Variants in IQSEC1 observed in about 807,000 individuals in gnomAD.
The protein encoded by IQSEC1 is IQ motif and Sec7 domain ArfGEF 1.
Under a neutral mutation model 91.0 loss-of-function variants are expected in IQSEC1, and 31 were observed. The ratio of observed to expected loss-of-function variants is 0.34; its 90% confidence interval spans 0.26 to 0.46. The LOEUF (loss-of-function observed/expected upper bound fraction) is 0.46, where lower values mean the gene tolerates loss of function less well. IQSEC1 is among the 20% of genes least tolerant of loss of function. IQSEC1 has a pLI of 1.00. For synonymous variants in IQSEC1, 699 were observed against 662.6 expected (o/e 1.05, Z -0.84); for missense variants, 1,388 against 1,575.6 (o/e 0.88, Z 2.02).
Position 12,902,816 on chromosome 3 carries a change from C to T in IQSEC1, c.2762G>A (p.Arg921Gln), listed in dbSNP as rs1415351354. ...SLRDLSEAGKRGRRSSAGSLE... is the reference protein window; with the variant it reads ...SLRDLSEAGKQGRRSSAGSLE... ...CGATCCCGCACTGCTGCGACGCCCT[C>T]GCTTCCCTGCCCAGAACATGCAATA... The change falls in exon 13 of 14, where the codon CGA (arginine) becomes CAA (glutamine). Residue 921 changes from arginine to glutamine, a missense_variant. Arg to Gln is a conservative substitution (Grantham distance 43). This residue lies in a region of IQSEC1 where 1,059 missense variants were observed against 1,317.8 expected (regional missense o/e 0.80). Coordinates refer to ENST00000613206, the MANE Select transcript of IQSEC1 (RefSeq NM_001134382.3). 10 of 1,613,198 alleles carry T rather than the reference C, an allele frequency of 6.2e-6. No individual in the cohort carries two copies. The highest frequency in any genetic ancestry group is 7.6e-6 in the Non-Finnish European group (9 of 1,179,204).
intron 1 of IQSEC1, among the ~76,000 whole-genome samples, chr3:12,971,754 T>C (rs942729625): frequency 6.6e-6 from 1 of 152,086 alleles, no homozygotes; most frequent in Admixed American, 6.5e-5. Context: ...TTTAAACAAG[T>C]GTTTGTTACT....
At chr3:13,257,672 A>G (rs1695315456) in intron 1 of IQSEC1, among the ~76,000 whole-genome samples, 1 of 152,214 alleles carries the variant, frequency 6.6e-6, no homozygotes, top group Admixed American at 6.5e-5. Flanking sequence ...CAGCCTGTGA[A>G]ATCCTCTGAA....
At chr3:13,066,466 A>G (rs945024605) in intron 1 of IQSEC1, among the ~76,000 whole-genome samples, 2 of 152,108 alleles carry the variant, frequency 1.3e-5, no homozygotes, top group African/African-American at 4.8e-5. Flanking sequence ...TGCCTGGGGG[A>G]GTCAGGAAAG....
In IQSEC1 at chr3:13,069,695, C is replaced by T. The variant is rs565448401; in HGVS notation, c.23+3297G>A. Among the ~76,000 whole-genome samples, 3 of 152,360 alleles carry T rather than the reference C, an allele frequency of 2.0e-5. No homozygotes were observed. The South Asian group carries it at 6.2e-4, about 32-fold the overall frequency. On this transcript the variant is annotated intron_variant, in intron 1 of 13. Transcript: ENST00000613206. ...CACATCTCACACACCACAAACTCCT[C>T]ACAGCCTCACTTCCTGTGTTCAAGT...
intron 3 of IQSEC1, among the ~76,000 whole-genome samples, chr3:12,926,623 C>T (rs1697162166): frequency 6.6e-6 from 1 of 152,230 alleles, no homozygotes; most frequent in South Asian, 2.1e-4. Context: ...TCGGCCAGGT[C>T]ATCCACTAAT....
At chr3:13,276,080 C>CTTTTTTTTTTT (rs796663192) in intron 1 of IQSEC1, among the ~76,000 whole-genome samples, 2 of 79,524 alleles carry the variant, frequency 2.5e-5, no homozygotes, top group African/African-American at 4.1e-5. Context: ...CAAAAGCATT[C>CTTTTTTTTTTT]TTTTTTTTTT....
At chr3:12,947,853 A>T (rs982344312) in intron 1 of IQSEC1, among the ~76,000 whole-genome samples, 1 of 152,216 alleles carries the variant, frequency 6.6e-6, no homozygotes, top group African/African-American at 2.4e-5. Context: ...TTTTCCAAAC[A>T]TGTTTTCCTG....
At chr3:13,160,506 C>T (rs941455369) in intron 2 of IQSEC1, among the ~76,000 whole-genome samples, 12 of 152,202 alleles carry the variant, frequency 7.9e-5, no homozygotes, top group Non-Finnish European at 1.2e-4. Flanking sequence ...CTCTCAAGGT[C>T]AGTCATATTT....
At chr3:13,000,434 A>G (rs1169835473) in intron 1 of IQSEC1, among the ~76,000 whole-genome samples, 2 of 152,218 alleles carry the variant, frequency 1.3e-5, no homozygotes, top group African/African-American at 4.8e-5. Context: ...ATCTTGAGAC[A>G]GTGGGGCCAG....
Position 13,024,964 on chromosome 3 carries a change from C to T in IQSEC1, c.23+48028G>A, listed in dbSNP as rs796256127. ...AGGCTGTGATGAGGAATGAGTGATACCACAACTGTGTGACCCTGGGTATAA... is the reference window on the plus strand; with the variant it reads ...AGGCTGTGATGAGGAATGAGTGATATCACAACTGTGTGACCCTGGGTATAA... On this transcript the variant is annotated intron_variant, in intron 1 of 13. Transcript: ENST00000613206. Among the ~76,000 whole-genome samples, 9 of 152,350 alleles carry T rather than the reference C, an allele frequency of 5.9e-5. No individual in the cohort carries two copies. The East Asian group carries it at 1.7e-3, about 29-fold the overall frequency.
intron 1 of IQSEC1, among the ~76,000 whole-genome samples, chr3:12,976,334 G>A (rs1266384196): frequency 6.6e-6 from 1 of 152,240 alleles, no homozygotes; most frequent in African/African-American, 2.4e-5. Context: ...TGGGGTCACA[G>A]TGGGGAAGCG....
chr3:13,125,755 T>C (rs1441558774), intron 2 of IQSEC1, among the ~76,000 whole-genome samples: 6 of 152,160 alleles, frequency 3.9e-5, no homozygotes, highest in Non-Finnish European at 8.8e-5. Context: ...AGAAGGAATG[T>C]AGACTCCAGA....
At chr3:13,170,126 G>A (rs1433734820) in intron 1 of IQSEC1, among the ~76,000 whole-genome samples, 1 of 152,196 alleles carries the variant, frequency 6.6e-6, no homozygotes, top group East Asian at 1.9e-4. Context: ...GCTGTGTGCA[G>A]CCTAGGGACT....
chr3:13,164,307 A>G (rs1693430957), intron 1 of IQSEC1, among the ~76,000 whole-genome samples: 1 of 152,056 alleles, frequency 6.6e-6, no homozygotes, highest in African/African-American at 2.4e-5. Context: ...TGTTCCTTTG[A>G]CCTGGAACTG....
chr3:13,222,763 G>C (rs570553981), intron 1 of IQSEC1, among the ~76,000 whole-genome samples: 6 of 152,270 alleles, frequency 3.9e-5, no homozygotes, highest in South Asian at 2.1e-4. Flanking sequence ...CAGAGTGCTC[G>C]ATGTGCCAAT....
chr3:13,152,744 G>A (rs907335303), intron 2 of IQSEC1, among the ~76,000 whole-genome samples: 11 of 152,242 alleles, frequency 7.2e-5, no homozygotes, highest in Admixed American at 2.6e-4. Flanking sequence ...GGTGGCTGGC[G>A]CCGTAATCTC....
At chr3:13,218,202 C>G (rs1420844621) in intron 1 of IQSEC1, among the ~76,000 whole-genome samples, 1 of 152,202 alleles carries the variant, frequency 6.6e-6, no homozygotes, top group East Asian at 1.9e-4. Context: ...TCCACATGCA[C>G]CTATGGTGCT....
Position 13,207,808 on chromosome 3 carries a change from G to A in IQSEC1, c.273-43675C>T, listed in dbSNP as rs1208361822. On this transcript the variant is annotated intron_variant, in intron 1 of 15. Coordinates refer to the IQSEC1 transcript ENST00000648114. This position sits in a 1 kb window ranked among gnomAD's most constrained non-coding sequence, Gnocchi z 4.8. ...TCCCTGCCACCCGGCCACGTGGTCCGGCCAGCCTTGTGTGGTCCCCATACA... is the reference window on the plus strand; with the variant it reads ...TCCCTGCCACCCGGCCACGTGGTCCAGCCAGCCTTGTGTGGTCCCCATACA... 6.6e-6 allele frequency among the ~76,000 whole-genome samples: 1 copy of A among 152,086 alleles called. No individual in the cohort carries two copies. Among genetic ancestry groups the A allele is most frequent in the Non-Finnish European group, 1.5e-5 (1 of 68,034 alleles).
rs542271970 is a variant in IQSEC1 at position 12,909,877 on chromosome 3, G to A, written c.2417-443C>T. Among the ~76,000 whole-genome samples the A allele has an allele frequency of 1.8e-4, 28 of 152,182 alleles. No individual in the cohort carries two copies. The highest frequency in any genetic ancestry group is 3.5e-4 in the Non-Finnish European group (24 of 68,028). ...CCCAGACCTGCCTGGTGCCACCTCC[G>A]GGCTCTCAGGGTCCCTGGGGCTTTG... On this transcript the variant is annotated intron_variant, in intron 10 of 13. Transcript: ENST00000613206. The surrounding 1 kb of genome is among the most constrained non-coding windows in gnomAD (Gnocchi z 4.9).
Sources: allele counts gnomAD v4.1 joint callset (sites outside exome capture counted in the v4.1 genomes callset), GRCh38; gene constraint gnomAD v4.1.1; regional missense constraint gnomAD v4.1.1; non-coding constraint Gnocchi (gnomAD v3.1); transcripts MANE v1.5; gene names NCBI Gene and HGNC (gene_info 2026-07-23, HGNC 2026-07-21).